STIL: variants seen among roughly 807,000 people sequenced by gnomAD.
The protein encoded by STIL is SCL-interrupting locus protein.
Under a neutral mutation model 110.1 loss-of-function variants are expected in STIL, and 55 were observed. That is an observed-to-expected ratio of 0.50 (90% CI 0.40 to 0.63). The LOEUF is 0.63. STIL is among the 20% of genes least tolerant of loss of function. The pLI is 0.00. For synonymous variants in STIL, 481 were observed against 530.0 expected (o/e 0.91, Z 1.27); for missense variants, 1,358 against 1,530.0 (o/e 0.89, Z 1.87).
At chr1:47,288,036 A>T (rs1443577190) in intron 9 of STIL, among the ~76,000 whole-genome samples, 1 of 148,216 alleles carries the variant, frequency 6.7e-6, no homozygotes, top group Non-Finnish European at 1.5e-5. Flanking sequence ...TATTTTATAT[A>T]TAACATATAT....
chr1:47,299,016 T>G (rs1645722309), intron 6 of STIL, among the ~76,000 whole-genome samples: 1 of 146,496 alleles, frequency 6.8e-6, no homozygotes, highest in Non-Finnish European at 1.5e-5. Flanking sequence ...CCAATTTTAA[T>G]ATAATTTTTA....
At chr1:47,287,082 G>A (rs1024830532) in intron 10 of STIL, among the ~76,000 whole-genome samples, 1 of 152,052 alleles carries the variant, frequency 6.6e-6, no homozygotes, top group Non-Finnish European at 1.5e-5. Flanking sequence ...ATAAGGAAGG[G>A]TTGGGGACGA....
chr1:47,293,771 T>C (rs1035935446), intron 7 of STIL, among the ~76,000 whole-genome samples: 3 of 151,898 alleles, frequency 2.0e-5, no homozygotes, highest in African/African-American at 7.3e-5. Flanking sequence ...TAGATATATA[T>C]CGAGAGAGAG....
At chr1:47,303,766 T>C (rs1320334766) in intron 3 of STIL, among the ~76,000 whole-genome samples, 1 of 152,234 alleles carries the variant, frequency 6.6e-6, no homozygotes, top group Non-Finnish European at 1.5e-5. Flanking sequence ...ACCACCCTTC[T>C]CTGCCAACTA....
intron 12 of STIL, among the ~76,000 whole-genome samples, chr1:47,279,074 G>A (rs1193096010): frequency 1.3e-5 from 2 of 152,034 alleles, no homozygotes; most frequent in Admixed American, 1.3e-4. Flanking sequence ...GAGGTGGGAG[G>A]ATCACAAGGT....
chr1:47,277,591 A>G (rs1268112698), intron 12 of STIL, among the ~76,000 whole-genome samples: 10 of 152,154 alleles, frequency 6.6e-5, no homozygotes. Flanking sequence ...GGTAGCAGGA[A>G]AGATAGTAAA....
At chr1:47,302,093 T>C in intron 4 of STIL, 141 bp downstream of exon 4, 1 of 675,798 alleles carries the variant, frequency 1.5e-6, no homozygotes, top group Non-Finnish European at 2.6e-6. Context: ...TTTAAAAAAA[T>C]GTTTTCTTGT....
intron 2 of STIL, 121 bp downstream of exon 2, chr1:47,310,155 G>T: frequency 1.1e-6 from 1 of 875,536 alleles, no homozygotes; most frequent in East Asian, 2.7e-5. Context: ...AAGTGGTAGA[G>T]CTAGGATATG....
chr1:47,308,716 T>C (rs1646038327), intron 2 of STIL, among the ~76,000 whole-genome samples: 1 of 150,664 alleles, frequency 6.6e-6, no homozygotes. Flanking sequence ...CACAGCAGGG[T>C]GACTATAGTC....
chr1:47,314,358 C>T (rs930819498), upstream of STIL, among the ~76,000 whole-genome samples: 5 of 152,364 alleles, frequency 3.3e-5, no homozygotes, highest in African/African-American at 7.2e-5. Context: ...CACCGGCGCT[C>T]CAGGATCAAG....
intron 14 of STIL, among the ~76,000 whole-genome samples, chr1:47,266,708 C>T (rs1205756466): frequency 6.6e-6 from 1 of 152,164 alleles, no homozygotes; most frequent in Admixed American, 6.5e-5. Context: ...TTCCACAAGT[C>T]CAAGACATCT....
rs374758249 is a variant in STIL, at chr1:47,272,323, C to T, written c.2218-82G>A. The T allele has an allele frequency of 2.7e-4, 394 of 1,449,966 alleles. 1 individual carries two copies. Among genetic ancestry groups the T allele is most frequent in the Non-Finnish European group, 3.7e-4 (381 of 1,039,906 alleles). The allele number at this position is 1,449,966 out of a possible 1,614,324, so 89.8% of individuals were successfully genotyped here. On this transcript the variant is annotated intron_variant, in intron 12 of 16. Coordinates refer to ENST00000371877, the MANE Select transcript of STIL (RefSeq NM_001048166.1). ...AGCAGTTTAATAATGAATTACAAAG[C>T]GCCCTAATTATAAGAAACTGACTTT...
chr1:47,292,399 AAC>A (rs200917289), intron 8 of STIL, among the ~76,000 whole-genome samples: 1,759 of 152,292 alleles, frequency 0.012, 15 homozygotes, highest in Non-Finnish European at 0.019. Context: ...CCTAGAAAAA[AAC>A]ACTTTTAGAA....
rs1252136651 is a variant in STIL, at chr1:47,299,927, C to T, written c.679G>A (p.Val227Ile). 1.2e-6 allele frequency: 2 copies of T among 1,613,988 alleles called. No homozygotes were observed. The highest frequency in any genetic ancestry group is 1.7e-6 in the Non-Finnish European group (2 of 1,179,920). ...NLSSNLNISQVQGTYKYGYLT... is the reference protein window; with the variant it reads ...NLSSNLNISQIQGTYKYGYLT... ...TACCCATATTTATAAGTCCCTTGAACTTGAGAAATATTCAGATTACTGCTC... is the reference window on the plus strand; with the variant it reads ...TACCCATATTTATAAGTCCCTTGAATTTGAGAAATATTCAGATTACTGCTC... Residue 227 changes from valine (V) to isoleucine (I), a missense_variant, in exon 6 of 17, where the codon GTT becomes ATT. By Grantham distance (29) the Val-to-Ile change is conservative. Transcript: ENST00000371877.
At position 47,260,525 on chromosome 1, in the gene STIL, G is replaced by GT; in HGVS notation, c.2843dup (p.His948GlnfsTer5). On this transcript the variant is annotated frameshift_variant, in exon 16 of 17. Coordinates refer to ENST00000371877, the MANE Select transcript of STIL (RefSeq NM_001048166.1). LOFTEE classifies it high-confidence loss of function. ...TTTCCTTGGAGGAACTATTTAATAGGTGGTTTACTTGACCCTGACAAAAAG... is the reference window on the plus strand; with the variant it reads ...TTTCCTTGGAGGAACTATTTAATAGGTTGGTTTACTTGACCCTGACAAAAAG... 1 of 1,614,062 alleles carries GT rather than the reference G, an allele frequency of 6.2e-7. No individual in the cohort carries two copies. The highest frequency in any genetic ancestry group is 8.5e-7 in the Non-Finnish European group (1 of 1,180,018).
At chr1:47,278,859 T>C (rs1253785433) in intron 12 of STIL, among the ~76,000 whole-genome samples, 1 of 152,106 alleles carries the variant, frequency 6.6e-6, no homozygotes, top group Non-Finnish European at 1.5e-5. Context: ...AGAATTTACC[T>C]AGGTTTAAAA....
At chr1:47,310,909 T>C (rs962589857) in intron 1 of STIL, among the ~76,000 whole-genome samples, 1 of 152,140 alleles carries the variant, frequency 6.6e-6, no homozygotes, top group Non-Finnish European at 1.5e-5. Flanking sequence ...AGTGCAGCAG[T>C]GCGATCTCAG....
chr1:47,289,080 A>C (rs9436785), intron 9 of STIL, among the ~76,000 whole-genome samples: 67,877 of 136,286 alleles, frequency 0.5, 18,352 homozygotes, highest in African/African-American at 0.62. Context: ...AAAAAAAAAA[A>C]AAAAAACATC....
chr1:47,310,470 T>A (rs182097400), intron 1 of STIL, 108 bp from the exon 2 acceptor site: 2 of 655,816 alleles, frequency 3.0e-6, no homozygotes, highest in Admixed American at 2.6e-5. Flanking sequence ...TTATATGAAG[T>A]GTGACTATAG....
Sources: allele counts gnomAD v4.1 joint callset (sites outside exome capture counted in the v4.1 genomes callset), GRCh38; gene constraint gnomAD v4.1.1; transcripts MANE v1.5; gene names NCBI Gene and HGNC (gene_info 2026-07-23, HGNC 2026-07-21).